The following UST variants were observed in gnomAD, a reference collection of about 807,000 sequenced individuals.
The protein encoded by UST is chondroitin sulfate 2-O-sulfotransferase.
Under a neutral mutation model 45.6 loss-of-function variants are expected in UST, and 21 were observed. The ratio of observed to expected loss-of-function variants is 0.46; its 90% CI spans 0.33 to 0.66. UST has a LOEUF of 0.66. Ranked by LOEUF, UST falls within the 30% of genes least tolerant of loss-of-function variation. The pLI is 0.02. For missense variants in UST, 463 were observed against 512.4 expected (o/e 0.90, Z 0.93); for synonymous variants, 215 against 200.6 (o/e 1.07, Z -0.61).
chr6:148,860,653 A>AT (rs1431995104), intron 1 of UST, among the ~76,000 whole-genome samples: 2 of 152,018 alleles, frequency 1.3e-5, no homozygotes, highest in Non-Finnish European at 2.9e-5. Flanking sequence ...AGCTCTTATT[A>AT]TTTTCAGATA....
chr6:148,931,684 A>T (rs957027096), intron 2 of UST, among the ~76,000 whole-genome samples: 1 of 152,242 alleles, frequency 6.6e-6, no homozygotes, highest in Admixed American at 6.5e-5. Flanking sequence ...GACTGCAACA[A>T]TATTACTCAT....
intron 2 of UST, among the ~76,000 whole-genome samples, chr6:148,901,778 C>T (rs763366625): frequency 1.3e-4 from 20 of 152,074 alleles, no homozygotes; most frequent in East Asian, 3.9e-4. Flanking sequence ...AGGCTGGTCT[C>T]GAACTCCTGA....
intron 1 of UST, among the ~76,000 whole-genome samples, chr6:148,784,433 C>T (rs941831822): frequency 6.6e-6 from 1 of 152,200 alleles, no homozygotes; most frequent in African/African-American, 2.4e-5. Flanking sequence ...CTAACCAACA[C>T]ACCATCTCAA....
At chr6:148,811,319 G>T (rs1777252813) in intron 1 of UST, among the ~76,000 whole-genome samples, 1 of 152,156 alleles carries the variant, frequency 6.6e-6, no homozygotes, top group Non-Finnish European at 1.5e-5. Flanking sequence ...GAGTGGAAAG[G>T]CAGAGGCTAT....
At chr6:148,854,323 G>GC (rs1778161802) in intron 1 of UST, among the ~76,000 whole-genome samples, 1 of 152,194 alleles carries the variant, frequency 6.6e-6, no homozygotes, top group Admixed American at 6.5e-5. Flanking sequence ...TGAATGTGTG[G>GC]CTGTGTTGGA....
intron 7 of UST, among the ~76,000 whole-genome samples, chr6:149,046,359 A>T (rs1776395883): frequency 1.3e-5 from 2 of 152,222 alleles, no homozygotes; most frequent in South Asian, 4.1e-4. Context: ...CAGGCCAAGG[A>T]GTTGGCTGAT....
chr6:148,931,554 A>G (rs1233342533), intron 2 of UST, among the ~76,000 whole-genome samples: 1 of 152,230 alleles, frequency 6.6e-6, no homozygotes, highest in Admixed American at 6.5e-5. Flanking sequence ...AACAACTGCA[A>G]ACTAGAACTA....
At chr6:148,769,167 C>T (rs1331220106) in intron 1 of UST, among the ~76,000 whole-genome samples, 3 of 152,254 alleles carry the variant, frequency 2.0e-5, no homozygotes, top group Admixed American at 6.5e-5. Context: ...TCCTCAACAA[C>T]AGCCTGGCTG....
chr6:148,934,223 G>A lies in UST; in HGVS notation c.292-7056G>A, dbSNP rs1322427677. ...ACTTTAACATGAGGATTTGCTGAGT[G>A]GATTTAAACTGCTCACAGTCCTATG... On this transcript the variant is annotated intron_variant, in intron 2 of 7. Coordinates refer to ENST00000367463, the MANE Select transcript of UST (RefSeq NM_005715.3). This position sits in a 1 kb window ranked among gnomAD's most constrained non-coding sequence, Gnocchi z 4.1. 6.6e-6 allele frequency among the ~76,000 whole-genome samples: 1 copy of A among 152,164 alleles called. No homozygotes were observed. The highest frequency in any genetic ancestry group is 1.5e-5 in the Non-Finnish European group (1 of 68,026).
chr6:149,036,400 G>A (rs1776240929), intron 7 of UST, among the ~76,000 whole-genome samples: 1 of 152,186 alleles, frequency 6.6e-6, no homozygotes, highest in African/African-American at 2.4e-5. Flanking sequence ...CCAGAAATTG[G>A]TGGAGGCCTG....
At chr6:148,891,293 G>T (rs1779013540) in intron 2 of UST, among the ~76,000 whole-genome samples, 1 of 152,084 alleles carries the variant, frequency 6.6e-6, no homozygotes, top group Admixed American at 6.6e-5. Context: ...GCGGGCAGCA[G>T]CAATGATAAG....
intron 5 of UST, among the ~76,000 whole-genome samples, chr6:148,968,218 C>T (rs1420430916): frequency 6.6e-6 from 1 of 152,244 alleles, no homozygotes; most frequent in Non-Finnish European, 1.5e-5. Context: ...TTTACAAAGA[C>T]ATCGCTGTTA....
At chr6:148,941,574 T>C in intron 3 of UST, 140 bp downstream of exon 3, 1 of 1,027,702 alleles carries the variant, frequency 9.7e-7, no homozygotes, top group East Asian at 2.6e-5. Flanking sequence ...TTTGCCAGAG[T>C]GTGGAAGGAA....
At chr6:148,979,349 A>C (rs12204964) in intron 5 of UST, among the ~76,000 whole-genome samples, 51,461 of 152,156 alleles carry the variant, frequency 0.34, 9,437 homozygotes, top group Non-Finnish European at 0.42. Context: ...CTGGAGGCTT[A>C]AAGTCCTGTG....
chr6:148,934,030 G>A lies in UST; in HGVS notation c.292-7249G>A, dbSNP rs1021691565. On this transcript the variant is annotated intron_variant, in intron 2 of 7. Transcript: ENST00000367463. The surrounding 1 kb of genome is among the most constrained non-coding windows in gnomAD (Gnocchi z 4.1). The stretch of plus-strand genomic sequence containing the variant: ...AAAATCTAGTTTTAACTTTTAAGGC[G>A]TTTTCCAGATTATATCTTGGTAGCA... Among the ~76,000 whole-genome samples the A allele has an allele frequency of 5.9e-5, 9 of 152,132 alleles. No individual in the cohort carries two copies. The highest frequency in any genetic ancestry group is 1.9e-4 in the East Asian group (1 of 5,202).
At chr6:148,761,448 G>C (rs575062260) in intron 1 of UST, among the ~76,000 whole-genome samples, 7 of 151,986 alleles carry the variant, frequency 4.6e-5, no homozygotes, top group African/African-American at 1.7e-4. Context: ...TCTGGTCAGA[G>C]CTTTACAGAA....
At chr6:149,011,898 CAT>C in intron 5 of UST, among the ~76,000 whole-genome samples, 1 of 120,700 alleles carries the variant, frequency 8.3e-6, no homozygotes, top group Admixed American at 8.3e-5. Context: ...TTACTTAACT[CAT>C]ATGAAAAAGA....
At chr6:148,843,715 GC>G (rs1415230716) in intron 1 of UST, among the ~76,000 whole-genome samples, 1 of 152,172 alleles carries the variant, frequency 6.6e-6, no homozygotes, top group Non-Finnish European at 1.5e-5. Context: ...CACCTCACTA[GC>G]CATGCTCCAA....
At chr6:148,752,452 A>T (rs1455524430) in intron 1 of UST, among the ~76,000 whole-genome samples, 3 of 152,250 alleles carry the variant, frequency 2.0e-5, no homozygotes, top group African/African-American at 7.2e-5. Flanking sequence ...GGTTGGGGAC[A>T]CAGTGGCACT....
Sources: allele counts gnomAD v4.1 joint callset (sites outside exome capture counted in the v4.1 genomes callset), GRCh38; gene constraint gnomAD v4.1.1; non-coding constraint Gnocchi (gnomAD v3.1); transcripts MANE v1.5; gene names NCBI Gene and HGNC (gene_info 2026-07-23, HGNC 2026-07-21).